Variants in SEC11A observed in about 807,000 individuals in gnomAD.
The protein encoded by SEC11A is SEC11 homolog A, signal peptidase complex subunit, also known as signal peptidase complex catalytic subunit SEC11A.
Under a neutral mutation model 25.6 loss-of-function variants are expected in SEC11A, and 14 were observed. The ratio of observed to expected loss-of-function variants is 0.55; its 90% confidence interval spans 0.36 to 0.85. The LOEUF (loss-of-function observed/expected upper bound fraction) is 0.85, where lower values mean the gene tolerates loss of function less well. SEC11A is among the 40% of genes least tolerant of loss of function. The pLI is 0.01. For synonymous variants in SEC11A, 83 were observed against 76.4 expected (o/e 1.09, Z -0.45); for missense variants, 153 against 222.9 (o/e 0.69, Z 2.00).
intron 1 of SEC11A, among the ~76,000 whole-genome samples, chr15:84,711,950 A>C (rs376604792): frequency 3.9e-5 from 6 of 152,292 alleles, no homozygotes; most frequent in African/African-American, 1.4e-4. Context: ...CAATTAATTT[A>C]AACAACTTGG....
chr15:84,670,476 T>C, intron 5 of SEC11A: 1 of 291,812 alleles, frequency 3.4e-6, no homozygotes, highest in East Asian at 7.7e-5. Flanking sequence ...TGACCTCAGG[T>C]GATCTGCCTG....
Position 84,669,797 on chromosome 15 carries a change from T to G in SEC11A, c.*222A>C. The G allele has an allele frequency of 1.7e-6, 1 of 572,546 alleles. No individual in the cohort carries two copies. Among genetic ancestry groups the G allele is most frequent in the Non-Finnish European group, 2.8e-6 (1 of 354,406 alleles). The allele number at this position is 572,546 out of a possible 1,614,324, so 35.5% of individuals were successfully genotyped here. A position where few individuals can be genotyped will look rare whatever the true frequency, so the allele number is the denominator to read the frequency against. On this transcript the variant is annotated 3_prime_UTR_variant, in exon 6 of 6. Coordinates refer to ENST00000268220, the MANE Select transcript of SEC11A (RefSeq NM_014300.4). ...AAATTTGAAAGTGTGACAATGACAA[T>G]TATGAAATCCTGTGACTGAAAGTCC...
intron 4 of SEC11A, 49 bp from the exon 5 acceptor site, chr15:84,670,831 G>T: frequency 1.1e-6 from 1 of 881,166 alleles, no homozygotes; most frequent in Non-Finnish European, 1.7e-6. Context: ...ATGTAAAGCA[G>T]CTGTTGTCAC....
chr15:84,679,123 CT>C (rs1302569915), intron 4 of SEC11A: 2 of 358,810 alleles, frequency 5.6e-6, no homozygotes, highest in East Asian at 8.0e-5. Flanking sequence ...AGTGACTTTG[CT>C]TTTTGATTAT....
At position 84,689,609 on chromosome 15, in the gene SEC11A, C is replaced by CT. The variant is rs11316103; in HGVS notation, c.162-1836dup. Among the ~76,000 whole-genome samples, 839 of 122,546 alleles carry CT rather than the reference C, an allele frequency of 6.8e-3. 1 individual carries two copies. The highest frequency in any genetic ancestry group is 0.01 in the Non-Finnish European group (601 of 58,288). 80.4% of individuals were successfully genotyped at this position (122,546 alleles called of 152,430 possible). A position where few individuals can be genotyped will look rare whatever the true frequency, so the allele number is the denominator to read the frequency against. ...CAAAACTGTAATGTTTCTTTTCTTT[C>CT]TTTTTTTTTTTTTTTTTGAGACAAA... On this transcript the variant is annotated intron_variant, in intron 2 of 5. Coordinates refer to ENST00000268220, the MANE Select transcript of SEC11A (RefSeq NM_014300.4).
intron 4 of SEC11A, chr15:84,671,023 A>G (rs994322311): frequency 1.8e-5 from 6 of 327,414 alleles, no homozygotes; most frequent in African/African-American, 1.3e-4. Flanking sequence ...TGTGTGGCAG[A>G]ACCAGCACCA....
At chr15:84,706,499 T>C (rs1898097714) in intron 1 of SEC11A, among the ~76,000 whole-genome samples, 1 of 152,072 alleles carries the variant, frequency 6.6e-6, no homozygotes, top group South Asian at 2.1e-4. Flanking sequence ...CCAATTCAGG[T>C]AGGACTTCTT....
intron 3 of SEC11A, among the ~76,000 whole-genome samples, chr15:84,683,882 G>C (rs532517457): frequency 6.6e-6 from 1 of 152,272 alleles, no homozygotes; most frequent in South Asian, 2.1e-4. Context: ...TCAAAATACT[G>C]AGTGAAGGCA....
chr15:84,701,408 C>T (rs1401413423), intron 1 of SEC11A, among the ~76,000 whole-genome samples: 1 of 151,760 alleles, frequency 6.6e-6, no homozygotes, highest in Admixed American at 6.6e-5. Context: ...CAACCTCCAC[C>T]TCCCGGGTTC....
At position 84,669,923 on chromosome 15, in the gene SEC11A, T is replaced by G. The variant is rs764928284; in HGVS notation, c.*96A>C. The G allele has an allele frequency of 1.3e-6, 2 of 1,595,744 alleles. No homozygotes were observed. Among genetic ancestry groups the G allele is most frequent in the Non-Finnish European group, 1.7e-6 (2 of 1,171,424 alleles). ...AGTGCTACCCAGAAGCACCAACACG[T>G]GTGTTCTCCATTCCACCAATCACAG... is the stretch of plus-strand genomic sequence containing the variant. On this transcript the variant is annotated 3_prime_UTR_variant, in exon 6 of 6. Coordinates refer to ENST00000268220, the MANE Select transcript of SEC11A (RefSeq NM_014300.4).
At chr15:84,714,569 G>GC (rs772417655) in intron 1 of SEC11A, among the ~76,000 whole-genome samples, 1 of 152,192 alleles carries the variant, frequency 6.6e-6, no homozygotes, top group Non-Finnish European at 1.5e-5. Context: ...CATAGGCACA[G>GC]ACAGGTTAAG....
At chr15:84,696,479 T>C (rs369164965) in intron 1 of SEC11A, among the ~76,000 whole-genome samples, 1 of 152,096 alleles carries the variant, frequency 6.6e-6, no homozygotes, top group African/African-American at 2.4e-5. Context: ...CCTACAGTAC[T>C]GGTTAGGACA....
chr15:84,712,535 C>T (rs1189100320), intron 1 of SEC11A, among the ~76,000 whole-genome samples: 3 of 151,326 alleles, frequency 2.0e-5, no homozygotes, highest in Admixed American at 2.0e-4. Context: ...GCAACCTCTG[C>T]CTCCCAGGTT....
At chr15:84,670,105 C>T (rs775023942) in intron 5 of SEC11A, 36 bp from the exon 6 acceptor site, 30 of 1,602,766 alleles carry the variant, frequency 1.9e-5, no homozygotes, top group East Asian at 9.0e-5. Context: ...GTCAGAGAAG[C>T]GTTGAAAAGT....
intron 2 of SEC11A, among the ~76,000 whole-genome samples, chr15:84,688,542 T>A (rs1307459951): frequency 1.3e-5 from 2 of 152,212 alleles, no homozygotes; most frequent in Non-Finnish European, 2.9e-5. Context: ...AGCCCATCAG[T>A]CTTTTTCAGA....
At chr15:84,685,101 A>C (rs187184533) in intron 3 of SEC11A, among the ~76,000 whole-genome samples, 1 of 152,276 alleles carries the variant, frequency 6.6e-6, no homozygotes, top group Admixed American at 6.5e-5. Context: ...AATCACCAAA[A>C]ACCCCAGATT....
chr15:84,699,950 A>G (rs1477363312), intron 1 of SEC11A, among the ~76,000 whole-genome samples: 1 of 151,968 alleles, frequency 6.6e-6, no homozygotes, highest in Non-Finnish European at 1.5e-5. Context: ...TCCACCAGAC[A>G]GAGTGGAAAT....
At chr15:84,704,072 A>G (rs1407227870) in intron 1 of SEC11A, among the ~76,000 whole-genome samples, 2 of 152,178 alleles carry the variant, frequency 1.3e-5, no homozygotes. Flanking sequence ...GCCAACCGCA[A>G]AAAACCAACA....
Position 84,669,911 on chromosome 15 carries a change from A to G in SEC11A, c.*108T>C, listed in dbSNP as rs760559823. ...CTAATGCAAACCAGTGCTACCCAGA[A>G]GCACCAACACGTGTGTTCTCCATTC... On this transcript the variant is annotated 3_prime_UTR_variant, in exon 6 of 6. Coordinates refer to ENST00000268220, the MANE Select transcript of SEC11A (RefSeq NM_014300.4). The G allele has an allele frequency of 2.4e-5, 38 of 1,583,142 alleles. No homozygotes were observed. In the Admixed American group the frequency reaches 4.8e-4, roughly 20 times the overall value.
Sources: gnomAD v4.1 joint callset for allele counts (sites outside exome capture counted in the v4.1 genomes callset) on GRCh38, gnomAD v4.1.1 for gene constraint, MANE v1.5 for transcripts, NCBI Gene and HGNC (gene_info 2026-07-23, HGNC 2026-07-21) for gene names.